SLC25A20: variants seen among roughly 807,000 people sequenced by gnomAD.
SLC25A20 encodes the protein solute carrier family 25 member 20.
Under a neutral mutation model 39.7 loss-of-function variants are expected in SLC25A20, and 29 were observed. The ratio of observed to expected loss-of-function variants is 0.73; its 90% CI spans 0.54 to 1.00. The LOEUF (loss-of-function observed/expected upper bound fraction) is 1.00, where lower values mean the gene tolerates loss of function less well. Ranked by LOEUF, SLC25A20 falls within the 50% of genes least tolerant of loss-of-function variation. The pLI is 0.00. For missense variants in SLC25A20, 333 were observed against 379.9 expected, an observed-to-expected ratio of 0.88 and a Z score of 1.03; for synonymous variants, 103 against 142.2, an observed-to-expected ratio of 0.72 and a Z score of 1.96.
At chr3:48,867,312 C>G (rs2083678587) in intron 4 of SLC25A20, among the ~76,000 whole-genome samples, 2 of 151,608 alleles carry the variant, frequency 1.3e-5, no homozygotes, top group Non-Finnish European at 2.9e-5. Context: ...GTGGCGAGAT[C>G]TCGGTTCACC....
intron 4 of SLC25A20, among the ~76,000 whole-genome samples, chr3:48,878,327 G>A (rs1180838796): frequency 4.0e-5 from 6 of 148,554 alleles, no homozygotes; most frequent in Non-Finnish European, 8.9e-5. Flanking sequence ...TTTGTACACC[G>A]GATGTGAAGA....
intron 1 of SLC25A20, among the ~76,000 whole-genome samples, chr3:48,897,004 C>A (rs148600988): frequency 3.3e-5 from 5 of 151,844 alleles, no homozygotes; most frequent in Admixed American, 6.6e-5. Context: ...AGCGCTGCAG[C>A]TTTTGCCTTG....
chr3:48,898,588 A>G (rs2083926760), intron 1 of SLC25A20, 102 bp downstream of exon 1: 2 of 1,049,700 alleles, frequency 1.9e-6, no homozygotes, highest in Non-Finnish European at 2.9e-6. Context: ...GGAAGCTCAC[A>G]CATGCCCCTC....
At chr3:48,890,015 G>A (rs1407665003) in intron 2 of SLC25A20, among the ~76,000 whole-genome samples, 1 of 152,190 alleles carries the variant, frequency 6.6e-6, no homozygotes, top group Non-Finnish European at 1.5e-5. Context: ...CCGTTACTTA[G>A]CAGACCATGA....
At chr3:48,860,282 C>T (rs1477220855) in intron 5 of SLC25A20, among the ~76,000 whole-genome samples, 1 of 140,734 alleles carries the variant, frequency 7.1e-6, no homozygotes, top group African/African-American at 2.7e-5. Context: ...GCCTGGCTGA[C>T]AGAGTGAGAC....
At position 48,859,621 on chromosome 3, in the gene SLC25A20, G is replaced by T. The variant is rs1319511874; in HGVS notation, c.542C>A (p.Pro181Gln). 1 of 1,612,468 alleles carries T rather than the reference G, an allele frequency of 6.2e-7. No homozygotes were observed. Among genetic ancestry groups the T allele is most frequent in the Non-Finnish European group, 8.5e-7 (1 of 1,178,530 alleles). Residue 181 changes from proline to glutamine, a missense_variant, in exon 6 of 9, where the codon CCA (proline) becomes CAA (glutamine). Transcript: ENST00000319017. ...TGTCATGAAATACATTCCACTAGCT[G>T]GGACATCTGTTAGTGGCAAGAAAAA... The part of the protein sequence containing the change: ...GTVLTLMRDV[P>Q]ASGMYFMTYE...
intron 2 of SLC25A20, among the ~76,000 whole-genome samples, chr3:48,886,266 TG>T (rs2106660483): frequency 6.6e-6 from 1 of 152,312 alleles, no homozygotes; most frequent in South Asian, 2.1e-4. Flanking sequence ...GGCTCATGCC[TG>T]TAATCCCAGC....
At chr3:48,897,304 C>T (rs778262291) in intron 1 of SLC25A20, among the ~76,000 whole-genome samples, 9 of 140,180 alleles carry the variant, frequency 6.4e-5, no homozygotes, top group Non-Finnish European at 1.1e-4. Context: ...ACATCAAGGA[C>T]AAAGGTGATA....
At chr3:48,861,958 G>A (rs908640614) in intron 5 of SLC25A20, among the ~76,000 whole-genome samples, 1 of 152,122 alleles carries the variant, frequency 6.6e-6, no homozygotes, top group Non-Finnish European at 1.5e-5. Flanking sequence ...AACCTGGGAG[G>A]CAGAGGTTGC....
At chr3:48,857,904 A>G (rs2083592381) in intron 8 of SLC25A20, 132 bp from the exon 9 acceptor site, 2 of 715,506 alleles carry the variant, frequency 2.8e-6, no homozygotes, top group Non-Finnish European at 5.0e-6. Flanking sequence ...CACATCAAGG[A>G]TGCAAGCTCT....
intron 4 of SLC25A20, among the ~76,000 whole-genome samples, chr3:48,865,373 G>T (rs1325492616): frequency 6.6e-6 from 1 of 151,716 alleles, no homozygotes; most frequent in Non-Finnish European, 1.5e-5. Flanking sequence ...TGATCCATCC[G>T]CCTCGGCCAC....
At chr3:48,867,835 C>T (rs532067716) in intron 4 of SLC25A20, among the ~76,000 whole-genome samples, 5 of 151,108 alleles carry the variant, frequency 3.3e-5, no homozygotes, top group African/African-American at 4.9e-5. Flanking sequence ...CCGAGGCAGG[C>T]GGACCACCTG....
chr3:48,869,834 G>A (rs1311746978), intron 4 of SLC25A20, among the ~76,000 whole-genome samples: 1 of 151,938 alleles, frequency 6.6e-6, no homozygotes, highest in Non-Finnish European at 1.5e-5. Context: ...AAGAAGAAAA[G>A]AAGCCAGGCA....
intron 2 of SLC25A20, among the ~76,000 whole-genome samples, chr3:48,890,876 G>A (rs1329277276): frequency 2.0e-5 from 3 of 151,378 alleles, no homozygotes; most frequent in Admixed American, 6.6e-5. Context: ...GGATGGTCTC[G>A]ATCTCCTGAC....
intron 4 of SLC25A20, among the ~76,000 whole-genome samples, chr3:48,875,199 G>A (rs952422705): frequency 4.6e-5 from 7 of 151,818 alleles, no homozygotes; most frequent in African/African-American, 1.4e-4. Context: ...CACCTCCCGG[G>A]TTCAAGCAAT....
At position 48,890,985 on chromosome 3, in the gene SLC25A20, C is replaced by T. The variant is rs185297596; in HGVS notation, c.198+995G>A. Among the ~76,000 whole-genome samples, 434 of 151,962 alleles carry T rather than the reference C, an allele frequency of 2.9e-3. 7 individuals carry two copies. In the Middle Eastern group the frequency reaches 0.037, roughly 13 times the overall value. On this transcript the variant is annotated intron_variant, in intron 2 of 8. Transcript: ENST00000319017. ...TTGTCTTGTATTCAATAAATATCAG[C>T]GCGCCCAGCCATGCAAGGCCACTAC...
intron 4 of SLC25A20, among the ~76,000 whole-genome samples, chr3:48,875,390 G>A (rs549903476): frequency 1.1e-4 from 16 of 151,934 alleles, no homozygotes; most frequent in Admixed American, 8.5e-4. Flanking sequence ...GTGAGCCACC[G>A]CACCCAGCCT....
intron 5 of SLC25A20, among the ~76,000 whole-genome samples, chr3:48,861,020 G>A (rs1352486312): frequency 1.3e-5 from 2 of 151,470 alleles, no homozygotes; most frequent in Admixed American, 1.3e-4. Flanking sequence ...GTAGAGATGG[G>A]GTTTCACCAT....
In SLC25A20 at chr3:48,898,836, T is replaced by C; in HGVS notation, c.-42A>G. 6.5e-7 allele frequency: 1 copy of C among 1,535,554 alleles called. No homozygotes were observed. On this transcript the variant is annotated 5_prime_UTR_variant, in exon 1 of 9. Transcript: ENST00000319017. Reference sequence around the variant, plus strand: ...ACTCCGTCTGTCAGTTCTCGGGCCGTCCTGGCTTCTCAGCCCCAGCTGCAG... The same window carrying C: ...ACTCCGTCTGTCAGTTCTCGGGCCGCCCTGGCTTCTCAGCCCCAGCTGCAG...
Sources: gnomAD v4.1 joint callset for allele counts (sites outside exome capture counted in the v4.1 genomes callset) on GRCh38, gnomAD v4.1.1 for gene constraint, MANE v1.5 for transcripts, NCBI Gene and HGNC (gene_info 2026-07-23, HGNC 2026-07-21) for gene names.